Variants in ANKS1B observed in about 807,000 individuals in gnomAD.
The protein encoded by ANKS1B is ankyrin repeat and sterile alpha motif domain-containing protein 1B.
A neutral mutation model predicts 148.3 loss-of-function variants in ANKS1B; 36 were observed. The ratio of observed to expected loss-of-function variants is 0.24; its 90% CI spans 0.19 to 0.32. ANKS1B has a LOEUF of 0.32. Among genes scored for constraint, ANKS1B ranks in the 10% least tolerant of loss-of-function variants. The pLI is 1.00. For missense variants in ANKS1B, 1,157 were observed against 1,542.6 expected, an observed-to-expected ratio of 0.75 and a Z score of 4.19; for synonymous variants, 542 against 560.8, an observed-to-expected ratio of 0.97 and a Z score of 0.47.
At chr12:99,423,731 G>T (rs1481608493) in intron 11 of ANKS1B, among the ~76,000 whole-genome samples, 1 of 152,114 alleles carries the variant, frequency 6.6e-6, no homozygotes, top group African/African-American at 2.4e-5. Flanking sequence ...GCAAACTAAT[G>T]CAGGAACAGA....
chr12:99,651,662 C>A (rs1393126689), intron 9 of ANKS1B, among the ~76,000 whole-genome samples: 1 of 152,078 alleles, frequency 6.6e-6, no homozygotes, highest in African/African-American at 2.4e-5. Flanking sequence ...GATTACAAAT[C>A]CTGATGCTTA....
At chr12:99,665,914 T>C (rs967344300) in intron 8 of ANKS1B, among the ~76,000 whole-genome samples, 10 of 152,212 alleles carry the variant, frequency 6.6e-5, no homozygotes, top group African/African-American at 2.4e-4. Context: ...TATTTTCCTA[T>C]ATTTTCTTCC....
intron 1 of ANKS1B, among the ~76,000 whole-genome samples, chr12:99,899,661 A>G (rs2093516546): frequency 6.6e-6 from 1 of 152,180 alleles, no homozygotes; most frequent in African/African-American, 2.4e-5. Context: ...TTCTTGCAGA[A>G]GATTGCCCTG....
intron 12 of ANKS1B, among the ~76,000 whole-genome samples, chr12:99,293,469 T>G (rs1200348486): frequency 6.6e-6 from 1 of 152,156 alleles, no homozygotes; most frequent in Non-Finnish European, 1.5e-5. Flanking sequence ...CTGCTCGTTG[T>G]GCACATGTAC....
intron 10 of ANKS1B, among the ~76,000 whole-genome samples, chr12:99,490,467 C>A (rs1001082199): frequency 2.6e-5 from 4 of 152,142 alleles, no homozygotes; most frequent in Non-Finnish European, 1.5e-5. Flanking sequence ...GATTAAATAA[C>A]AAAATTATTT....
chr12:99,207,889 T>C (rs988384756), intron 14 of ANKS1B, among the ~76,000 whole-genome samples: 1 of 152,028 alleles, frequency 6.6e-6, no homozygotes, highest in Admixed American at 6.5e-5. Flanking sequence ...AGACAGTTTG[T>C]TGAAGATGAA....
chr12:99,155,964 A>C (rs777883608), intron 14 of ANKS1B, among the ~76,000 whole-genome samples: 3 of 152,268 alleles, frequency 2.0e-5, no homozygotes, highest in Non-Finnish European at 4.4e-5. Flanking sequence ...TCTTCCACAT[A>C]AAGAGCTTTA....
chr12:99,973,054 C>T (rs992478438), intron 1 of ANKS1B, among the ~76,000 whole-genome samples: 4 of 152,120 alleles, frequency 2.6e-5, no homozygotes, highest in African/African-American at 7.2e-5. Context: ...CTACCACTCA[C>T]AGAAAAAAAG....
intron 8 of ANKS1B, among the ~76,000 whole-genome samples, chr12:99,676,141 C>T (rs954056680): frequency 2.2e-4 from 34 of 152,184 alleles, no homozygotes; most frequent in African/African-American, 5.5e-4. Flanking sequence ...CTTCCTGCTG[C>T]CATGTGAAGA....
intron 14 of ANKS1B, among the ~76,000 whole-genome samples, chr12:99,156,737 T>C (rs1445336045): frequency 6.6e-6 from 1 of 152,200 alleles, no homozygotes; most frequent in Admixed American, 6.6e-5. Context: ...TTAAATGGCA[T>C]TTTTAGACCC....
chr12:98,743,203 C>T (rs1432488285), downstream of ANKS1B, among the ~76,000 whole-genome samples: 1 of 152,100 alleles, frequency 6.6e-6, no homozygotes, highest in Admixed American at 6.5e-5. Context: ...CTGTCTTCTG[C>T]TCCATCTTAT....
At chr12:99,393,820 T>C (rs920846265) in intron 12 of ANKS1B, among the ~76,000 whole-genome samples, 2 of 152,204 alleles carry the variant, frequency 1.3e-5, no homozygotes, top group Non-Finnish European at 2.9e-5. Context: ...ATTATCTCCT[T>C]GTTCTCTTTC....
intron 9 of ANKS1B, among the ~76,000 whole-genome samples, chr12:99,558,162 C>A (rs1327502499): frequency 6.6e-6 from 1 of 152,154 alleles, no homozygotes; most frequent in Non-Finnish European, 1.5e-5. Flanking sequence ...TGGGGATGCA[C>A]ACACATGATG....
At chr12:99,703,138 G>C (rs12814088) in intron 8 of ANKS1B, among the ~76,000 whole-genome samples, 29,330 of 152,016 alleles carry the variant, frequency 0.19, 3,141 homozygotes, top group Middle Eastern at 0.24. Flanking sequence ...AGGAAACATT[G>C]ACTCTCTTTC....
At chr12:99,950,288 C>T (rs2095184036) in intron 1 of ANKS1B, among the ~76,000 whole-genome samples, 1 of 151,842 alleles carries the variant, frequency 6.6e-6, no homozygotes. Context: ...AGCTTGTTCT[C>T]ATCTAAATAT....
chr12:98,836,812 T>C (rs139052875), intron 17 of ANKS1B, among the ~76,000 whole-genome samples: 1,661 of 152,212 alleles, frequency 0.011, 31 homozygotes, highest in African/African-American at 0.037. Context: ...ATATTGGAGA[T>C]TCAGTTATTC....
At chr12:99,157,124 G>A (rs2076145683) in intron 14 of ANKS1B, among the ~76,000 whole-genome samples, 1 of 152,114 alleles carries the variant, frequency 6.6e-6, no homozygotes, top group South Asian at 2.1e-4. Flanking sequence ...TAACATCAAA[G>A]AGTTTGTAGT....
chr12:98,795,720 T>C (rs1361729571), intron 22 of ANKS1B: 4 of 438,176 alleles, frequency 9.1e-6, no homozygotes, highest in African/African-American at 2.1e-5. Context: ...GGGCAATGAA[T>C]GTTCCTGGCA....
Position 99,805,263 on chromosome 12 carries a change from C to CAAAAAAAAAAAAAAAAAA in ANKS1B, c.669+1123_669+1140dup, listed in dbSNP as rs58248573. On this transcript the variant is annotated intron_variant, in intron 4 of 26. Transcript: ENST00000683438. ...AAATAACCATGAAAGGAGGAAAAGG[C>CAAAAAAAAAAAAAAAAAA]AAAAAAAAAAAAAAAAAAAAAAAAA... Among the ~76,000 whole-genome samples, 15 of 28,912 alleles carry CAAAAAAAAAAAAAAAAAA rather than the reference C, an allele frequency of 5.2e-4. 1 individual carries two copies. Among genetic ancestry groups the CAAAAAAAAAAAAAAAAAA allele is most frequent in the East Asian group, 1.2e-3 (1 of 802 alleles). 19.0% of individuals were successfully genotyped at this position (28,912 alleles called of 152,430 possible).
Sources: gnomAD v4.1 joint callset for allele counts (sites outside exome capture counted in the v4.1 genomes callset) on GRCh38, gnomAD v4.1.1 for gene constraint, MANE v1.5 for transcripts, NCBI Gene and HGNC (gene_info 2026-07-23, HGNC 2026-07-21) for gene names.